PAM: variants seen among roughly 807,000 people sequenced by gnomAD.
PAM encodes the protein peptidyl-glycine alpha-amidating monooxygenase.
Under a neutral mutation model 122.1 loss-of-function variants are expected in PAM, and 72 were observed. That is an observed-to-expected ratio of 0.59 (90% CI 0.49 to 0.72). The LOEUF (loss-of-function observed/expected upper bound fraction) is 0.72, where lower values mean the gene tolerates loss of function less well. Ranked by LOEUF, PAM falls within the 30% of genes least tolerant of loss-of-function variation. The pLI is 0.00. For missense variants in PAM, 1,106 were observed against 1,183.7 expected (o/e 0.93, Z 0.96); for synonymous variants, 389 against 404.4 (o/e 0.96, Z 0.46).
intron 24 of PAM, 73 bp from the exon 25 acceptor site, chr5:103,028,112 G>T (rs1306447364): frequency 1.8e-6 from 2 of 1,131,594 alleles, no homozygotes; most frequent in African/African-American, 3.1e-5. Context: ...CCTATTTTAA[G>T]TTGGAAGTTG....
At chr5:102,959,526 G>GTCT (rs1167709224) in intron 12 of PAM, among the ~76,000 whole-genome samples, 2 of 152,050 alleles carry the variant, frequency 1.3e-5, no homozygotes, top group Non-Finnish European at 2.9e-5. Context: ...ACTTTTCCCA[G>GTCT]TCTATGAGTT....
At chr5:102,890,748 A>G (rs367920352) in intron 3 of PAM, among the ~76,000 whole-genome samples, 29 of 152,104 alleles carry the variant, frequency 1.9e-4, no homozygotes, top group African/African-American at 7.0e-4. Context: ...TGTTGAAATT[A>G]GGAATTTTCC....
chr5:102,984,481 AAAC>A lies in PAM; in HGVS notation c.1484-5784_1484-5782del, dbSNP rs375732628. Among the ~76,000 whole-genome samples the A allele has an allele frequency of 8.2e-3, 1,242 of 152,330 alleles. 10 individuals carry two copies. Among genetic ancestry groups the A allele is most frequent in the Middle Eastern group, 0.014 (4 of 294 alleles). On this transcript the variant is annotated intron_variant, in intron 15 of 25. Transcript: ENST00000438793. The stretch of plus-strand genomic sequence containing the variant: ...AGACTTTAAGAATGGTAAAAACAAC[AAAC>A]AACAACGAAGATGATCATTATATAA...
Position 103,017,314 on chromosome 5 carries a change from G to A in PAM, c.2332-20G>A, listed in dbSNP as rs1239513251. ...AAGTAAAGGCTCACCACTCTAATGT[G>A]TAGCTTCTTATTTTGGCAGCACTTT... On this transcript the variant is annotated intron_variant, in intron 21 of 25. Coordinates refer to ENST00000438793, the MANE Select transcript of PAM (RefSeq NM_001177306.2). The A allele has an allele frequency of 2.7e-6, 4 of 1,476,406 alleles. No individual in the cohort carries two copies. Among genetic ancestry groups the A allele is most frequent in the Non-Finnish European group, 3.8e-6 (4 of 1,055,130 alleles). The allele number at this position is 1,476,406 out of a possible 1,614,324, so 91.5% of individuals were successfully genotyped here.
intron 1 of PAM, among the ~76,000 whole-genome samples, chr5:102,849,401 A>T (rs1780785246): frequency 6.6e-6 from 1 of 152,000 alleles, no homozygotes; most frequent in African/African-American, 2.4e-5. Context: ...TACTAAAAAT[A>T]CAAAAAATTA....
At chr5:102,908,137 A>C (rs1800175016) in intron 4 of PAM, among the ~76,000 whole-genome samples, 1 of 151,942 alleles carries the variant, frequency 6.6e-6, no homozygotes, top group African/African-American at 2.4e-5. Flanking sequence ...TCCATCTTGA[A>C]TTGATTTTTG....
At chr5:102,917,212 TAGTC>T (rs1455559318) in intron 5 of PAM, among the ~76,000 whole-genome samples, 8 of 152,292 alleles carry the variant, frequency 5.3e-5, no homozygotes, top group African/African-American at 1.7e-4. Context: ...GCCCTGAAGA[TAGTC>T]AGTGGATATT....
At chr5:102,977,509 T>C (rs1768075858) in intron 15 of PAM, among the ~76,000 whole-genome samples, 1 of 152,086 alleles carries the variant, frequency 6.6e-6, no homozygotes, top group Non-Finnish European at 1.5e-5. Context: ...CTGAAAACTC[T>C]GAACAATTGT....
intron 1 of PAM, among the ~76,000 whole-genome samples, chr5:102,807,735 T>C (rs1262141603): frequency 6.6e-6 from 1 of 152,202 alleles, no homozygotes; most frequent in Non-Finnish European, 1.5e-5. Flanking sequence ...TAAGGATGTT[T>C]GTAATGTGAC....
At chr5:102,954,473 AAT>A (rs1268456339) in intron 12 of PAM, among the ~76,000 whole-genome samples, 2 of 151,742 alleles carry the variant, frequency 1.3e-5, no homozygotes, top group African/African-American at 4.8e-5. Context: ...AGGTATATTT[AAT>A]ATGAGATATA....
chr5:102,758,125 A>G (rs1333575966), intron 1 of PAM, among the ~76,000 whole-genome samples: 2 of 127,694 alleles, frequency 1.6e-5, no homozygotes, highest in South Asian at 2.7e-4. Flanking sequence ...GCAAAGAATG[A>G]GCAAGAATTC....
At chr5:102,880,699 G>A (rs1790694309) in intron 3 of PAM, among the ~76,000 whole-genome samples, 1 of 151,752 alleles carries the variant, frequency 6.6e-6, no homozygotes, top group South Asian at 2.1e-4. Context: ...GAAGTACTCA[G>A]AGAAAAATTA....
chr5:102,803,208 A>AGG (rs1306902932), intron 1 of PAM, among the ~76,000 whole-genome samples: 36 of 46,246 alleles, frequency 7.8e-4, no homozygotes, highest in Middle Eastern at 0.02. Flanking sequence ...GAAGGAAGGA[A>AGG]AGAAGGAAGG....
chr5:102,908,393 A>G (rs1394212545), intron 4 of PAM, among the ~76,000 whole-genome samples: 2 of 151,902 alleles, frequency 1.3e-5, no homozygotes, highest in Admixed American at 6.6e-5. Flanking sequence ...GTATAGTTTG[A>G]AGTCAGGTAG....
Position 102,794,139 on chromosome 5 carries a change from T to A in PAM, c.-374+38791T>A, listed in dbSNP as rs113336489. Among the ~76,000 whole-genome samples the A allele has an allele frequency of 2.2e-3, 338 of 152,336 alleles. 1 individual carries two copies. Among genetic ancestry groups the A allele is most frequent in the African/African-American group, 7.7e-3 (319 of 41,570 alleles). ...TTTATAGAACTATTTTAATGATAGT[T>A]TAAACATGTATACCTGTTACTGGTT... On this transcript the variant is annotated intron_variant, in intron 1 of 25. Coordinates refer to ENST00000438793, the MANE Select transcript of PAM (RefSeq NM_001177306.2).
intron 1 of PAM, among the ~76,000 whole-genome samples, chr5:102,760,769 C>T (rs1752080596): frequency 6.6e-6 from 1 of 152,020 alleles, no homozygotes; most frequent in African/African-American, 2.4e-5. Context: ...CACAGGAGTC[C>T]CTTTAATACA....
chr5:102,946,240 A>C (rs1293490426), intron 7 of PAM, among the ~76,000 whole-genome samples: 1 of 152,138 alleles, frequency 6.6e-6, no homozygotes, highest in East Asian at 1.9e-4. Context: ...AGGGCATTCA[A>C]GTTGCTCCCA....
rs12517191 is a variant in PAM, at chr5:102,876,438, A to G, written c.210+9045A>G. ...ATACCATTGAAGAGTTTCCTGCACC[A>G]CTCACATTTAAAGCCCGAGACTATA... On this transcript the variant is annotated intron_variant, in intron 3 of 25. Transcript: ENST00000438793. Among the ~76,000 whole-genome samples the G allele has an allele frequency of 1.7e-3, 262 of 152,162 alleles. 2 individuals are homozygous for G. Among genetic ancestry groups the G allele is most frequent in the Admixed American group, 0.013 (202 of 15,276 alleles).
At chr5:102,951,352 T>G (rs1758823414) in intron 12 of PAM, among the ~76,000 whole-genome samples, 1 of 152,072 alleles carries the variant, frequency 6.6e-6, no homozygotes, top group Non-Finnish European at 1.5e-5. Flanking sequence ...CTTGAAATAA[T>G]TATATTCTAT....
Sources: allele counts gnomAD v4.1 joint callset (sites outside exome capture counted in the v4.1 genomes callset), GRCh38; gene constraint gnomAD v4.1.1; transcripts MANE v1.5; gene names NCBI Gene and HGNC (gene_info 2026-07-23, HGNC 2026-07-21).